Variants in MAGI1 observed in about 807,000 individuals in gnomAD.
The protein encoded by MAGI1 is membrane associated guanylate kinase, WW and PDZ domain containing 1, also known as membrane-associated guanylate kinase, WW and PDZ domain-containing protein 1.
In MAGI1, 58 loss-of-function variants were observed where a neutral mutation model predicts 139.9. That is an observed-to-expected ratio of 0.41 (90% CI 0.34 to 0.52). The LOEUF is 0.52. Among genes scored for constraint, MAGI1 ranks in the 20% least tolerant of loss-of-function variants. MAGI1 has a pLI of 0.12. For synonymous variants in MAGI1, 812 were observed against 737.9 expected (o/e 1.10, Z -1.63); for missense variants, 1,874 against 1,901.6 (o/e 0.99, Z 0.27).
At chr3:65,540,126 T>C (rs1167736426) in intron 2 of MAGI1, among the ~76,000 whole-genome samples, 1 of 152,170 alleles carries the variant, frequency 6.6e-6, no homozygotes, top group Non-Finnish European at 1.5e-5. Context: ...ACAAACCACA[T>C]ACAACAGCAA....
chr3:65,810,633 G>T (rs577341996), intron 1 of MAGI1, among the ~76,000 whole-genome samples: 42 of 152,304 alleles, frequency 2.8e-4, no homozygotes, highest in Non-Finnish European at 5.1e-4. Flanking sequence ...TGTCAGGAAT[G>T]GTGGGAGTCT....
At position 65,429,841 on chromosome 3, in the gene MAGI1, C is replaced by G. The variant is rs151058544; in HGVS notation, c.1846G>C (p.Val616Leu). ...KDARPSSPADVASNSSHGYPN... is the reference protein window; with the variant it reads ...KDARPSSPADLASNSSHGYPN... ...TAACCATGAGAACTATTTGAAGCCA[C>G]GTCCGCTGGGCTGCTTGGCCTGGCA... is the stretch of plus-strand genomic sequence containing the variant. Residue 616 changes from valine (V) to leucine (L), a missense_variant, in exon 12 of 23, where the codon GTG becomes CTG. Coordinates refer to ENST00000402939, the MANE Select transcript of MAGI1 (RefSeq NM_001033057.2). The G allele has an allele frequency of 5.0e-6, 8 of 1,613,994 alleles. No homozygotes were observed. The highest frequency in any genetic ancestry group is 5.9e-6 in the Non-Finnish European group (7 of 1,179,962).
chr3:65,907,920 G>T (rs547185774), intron 1 of MAGI1, among the ~76,000 whole-genome samples: 1 of 152,066 alleles, frequency 6.6e-6, no homozygotes, highest in African/African-American at 2.4e-5. Context: ...CCCCTGTCAC[G>T]TGTTACCCCG....
intron 2 of MAGI1, among the ~76,000 whole-genome samples, chr3:65,579,498 C>T (rs2081321265): frequency 2.0e-5 from 3 of 152,164 alleles, no homozygotes; most frequent in Admixed American, 6.5e-5. Flanking sequence ...TGTTCTTAGA[C>T]CCTCTGAGAC....
chr3:65,648,423 C>T (rs140392514), intron 1 of MAGI1, among the ~76,000 whole-genome samples: 1 of 152,212 alleles, frequency 6.6e-6, no homozygotes. Context: ...GTGGTGTGAG[C>T]CACTGCACCT....
At chr3:65,806,905 G>A (rs1255592297) in intron 1 of MAGI1, among the ~76,000 whole-genome samples, 5 of 152,100 alleles carry the variant, frequency 3.3e-5, no homozygotes, top group Non-Finnish European at 7.4e-5. Context: ...CATCATTTGA[G>A]AACTACTGAT....
At chr3:65,705,302 G>C (rs1398893065) in intron 1 of MAGI1, among the ~76,000 whole-genome samples, 1 of 151,038 alleles carries the variant, frequency 6.6e-6, no homozygotes, top group Admixed American at 6.6e-5. Context: ...TTAACATTCA[G>C]TGGCACACCA....
At chr3:65,945,113 G>A (rs1050474917) in intron 1 of MAGI1, among the ~76,000 whole-genome samples, 1 of 152,198 alleles carries the variant, frequency 6.6e-6, no homozygotes, top group South Asian at 2.1e-4. Context: ...TGGATCTGGT[G>A]GGGAAGCCCT....
At chr3:66,024,589 C>A (rs1298736639) in intron 1 of MAGI1, among the ~76,000 whole-genome samples, 1 of 151,472 alleles carries the variant, frequency 6.6e-6, no homozygotes, top group Admixed American at 6.6e-5. Flanking sequence ...GGCGGATCAC[C>A]TGAGGTCGGG....
chr3:65,719,996 A>G (rs995039193), intron 1 of MAGI1: 1 of 152,146 alleles, frequency 6.6e-6, no homozygotes, highest in African/African-American at 2.4e-5. Context: ...CAGGTAGCGG[A>G]GTAGTGCTAA....
chr3:65,849,953 T>C (rs2059148068), intron 1 of MAGI1, among the ~76,000 whole-genome samples: 2 of 152,286 alleles, frequency 1.3e-5, no homozygotes, highest in Middle Eastern at 6.8e-3. Context: ...GCAGATAAAT[T>C]AGTCACTTTA....
intron 1 of MAGI1, among the ~76,000 whole-genome samples, chr3:65,868,562 C>T (rs1465542259): frequency 1.3e-5 from 2 of 152,180 alleles, no homozygotes; most frequent in Non-Finnish European, 1.5e-5. Flanking sequence ...CAAATGCACT[C>T]AGCATATATC....
At chr3:65,741,460 C>A (rs375163879) in intron 1 of MAGI1, among the ~76,000 whole-genome samples, 1 of 152,184 alleles carries the variant, frequency 6.6e-6, no homozygotes, top group East Asian at 1.9e-4. Flanking sequence ...AGGCCTGAGC[C>A]GCCACGCCTG....
intron 2 of MAGI1, among the ~76,000 whole-genome samples, chr3:65,606,225 G>A (rs2082730138): frequency 6.6e-6 from 1 of 152,202 alleles, no homozygotes. Flanking sequence ...AGGGCTATGA[G>A]TCAAACACGT....
chr3:65,493,774 G>A (rs1952225625), intron 2 of MAGI1, 143 bp from the exon 3 acceptor site: 1 of 879,000 alleles, frequency 1.1e-6, no homozygotes, highest in African/African-American at 1.7e-5. Context: ...CAGGGACACA[G>A]TAAAGGCAAC....
At chr3:65,836,413 C>T (rs2042806179) in intron 1 of MAGI1, among the ~76,000 whole-genome samples, 1 of 152,056 alleles carries the variant, frequency 6.6e-6, no homozygotes, top group South Asian at 2.1e-4. Flanking sequence ...TGGCTGAGGA[C>T]TAGTGGCTTA....
At position 65,798,733 on chromosome 3, in the gene MAGI1, T is replaced by A. The variant is rs72894125; in HGVS notation, c.314-176645A>T. On this transcript the variant is annotated intron_variant, in intron 1 of 22. Coordinates refer to ENST00000402939, the MANE Select transcript of MAGI1 (RefSeq NM_001033057.2). ...ACGGCTTCGCTTTCTGCAGTTTCAG[T>A]TACCTACGGTCAACCACAGTCCAAA... Among the ~76,000 whole-genome samples the A allele has an allele frequency of 8.9e-3, 1,352 of 152,316 alleles. 20 individuals are homozygous for A. The highest frequency in any genetic ancestry group is 0.031 in the African/African-American group (1,290 of 41,552).
At chr3:65,360,258 C>A in intron 22 of MAGI1, 1 of 984,856 alleles carries the variant, frequency 1.0e-6, no homozygotes, top group Non-Finnish European at 1.2e-6. Context: ...AGGGGACCAA[C>A]GTATCTGGGG....
At chr3:65,974,965 T>G (rs1377331953) in intron 1 of MAGI1, among the ~76,000 whole-genome samples, 1 of 152,108 alleles carries the variant, frequency 6.6e-6, no homozygotes, top group East Asian at 1.9e-4. Context: ...AATAATCAAA[T>G]CTTCTAAATT....
Sources: allele counts gnomAD v4.1 joint callset (sites outside exome capture counted in the v4.1 genomes callset), GRCh38; gene constraint gnomAD v4.1.1; transcripts MANE v1.5; gene names NCBI Gene and HGNC (gene_info 2026-07-23, HGNC 2026-07-21).